The following CASZ1 variants were observed in gnomAD, a reference collection of about 807,000 sequenced individuals.
CASZ1 encodes castor zinc finger 1, also known as zinc finger protein castor homolog 1.
Under a neutral mutation model 135.2 loss-of-function variants are expected in CASZ1, and 28 were observed. The observed-to-expected ratio is 0.21, with a 90% confidence interval of 0.15 to 0.28. The LOEUF (loss-of-function observed/expected upper bound fraction) is 0.28. CASZ1 is among the 10% of genes least tolerant of loss of function. The probability of loss-of-function intolerance (pLI) is 1.00; values close to 1 mark genes in which losing one functional copy is unlikely to be tolerated. For synonymous variants in CASZ1, 1,068 were observed against 1,073.4 expected, an observed-to-expected ratio of 0.99 and a Z score of 0.10; for missense variants, 2,161 against 2,453.3, an observed-to-expected ratio of 0.88 and a Z score of 2.52.
rs1470674558 is a variant in CASZ1, at chr1:10,777,123, CCTCAG to C, written c.-233-16271_-233-16267del. 1.3e-5 allele frequency among the ~76,000 whole-genome samples: 2 copies of C among 152,198 alleles called. No individual in the cohort carries two copies. Among genetic ancestry groups the C allele is most frequent in the Non-Finnish European group, 2.9e-5 (2 of 68,034 alleles). ...CGGCACGAAGCAACCTCCCTCTGGG[CCTCAG>C]TTTCCCCACCTGTAAACCAGGACAA... On this transcript the variant is annotated intron_variant, in intron 1 of 20. Coordinates refer to ENST00000377022, the MANE Select transcript of CASZ1 (RefSeq NM_001079843.3). This position sits in a 1 kb window ranked among gnomAD's most constrained non-coding sequence, Gnocchi z 4.4.
chr1:10,745,617 G>C (rs1369219962), intron 2 of CASZ1, among the ~76,000 whole-genome samples: 1 of 152,148 alleles, frequency 6.6e-6, no homozygotes, highest in Non-Finnish European at 1.5e-5. Flanking sequence ...AAGAGGCCCT[G>C]CATTTTCATT....
chr1:10,713,910 C>T (rs1639331087), intron 2 of CASZ1, among the ~76,000 whole-genome samples: 1 of 152,248 alleles, frequency 6.6e-6, no homozygotes, highest in South Asian at 2.1e-4. Flanking sequence ...TGACCCATCC[C>T]TCTTGGCTTC....
chr1:10,682,331 G>A, intron 4 of CASZ1, among the ~76,000 whole-genome samples: 1 of 152,108 alleles, frequency 6.6e-6, no homozygotes, highest in East Asian at 1.9e-4. Context: ...ACCGTGAAGT[G>A]GGAGAGGCAG....
intron 4 of CASZ1, among the ~76,000 whole-genome samples, chr1:10,680,567 G>A (rs368085867): frequency 6.6e-6 from 1 of 152,198 alleles, no homozygotes; most frequent in Non-Finnish European, 1.5e-5. Context: ...CAGCATTACT[G>A]TGTCACACTC....
intron 1 of CASZ1, among the ~76,000 whole-genome samples, chr1:10,772,205 T>A (rs1640589218): frequency 6.6e-6 from 1 of 152,062 alleles, no homozygotes; most frequent in African/African-American, 2.4e-5. Flanking sequence ...GAAGAGGCAG[T>A]CTGGAGCTAG....
rs768235168 is a variant in CASZ1, at chr1:10,747,974, G to A, written c.-77+12727C>T. Reference sequence around the variant, plus strand: ...TGGGACTAGAGGCACCCGCCACCACGCCCGGCTAAGTTTTTTGTATTTTTT... The same window carrying A: ...TGGGACTAGAGGCACCCGCCACCACACCCGGCTAAGTTTTTTGTATTTTTT... On this transcript the variant is annotated intron_variant, in intron 2 of 20. Transcript: ENST00000377022. The surrounding 1 kb of genome is among the most constrained non-coding windows in gnomAD (Gnocchi z 4.3). Among the ~76,000 whole-genome samples the A allele has an allele frequency of 1.4e-4, 22 of 152,076 alleles. No individual in the cohort carries two copies. Among genetic ancestry groups the A allele is most frequent in the African/African-American group, 4.8e-4 (20 of 41,382 alleles).
intron 18 of CASZ1, among the ~76,000 whole-genome samples, chr1:10,643,791 G>C (rs1332319094): frequency 6.6e-6 from 1 of 152,198 alleles, no homozygotes; most frequent in Non-Finnish European, 1.5e-5. Context: ...GGGCAGGTGA[G>C]GGCCTGTCCG....
At chr1:10,770,283 C>T (rs936023975) in intron 1 of CASZ1, among the ~76,000 whole-genome samples, 1 of 151,980 alleles carries the variant, frequency 6.6e-6, no homozygotes, top group Non-Finnish European at 1.5e-5. Context: ...CAGGGTTTTG[C>T]CATGTCACCC....
At chr1:10,649,491 G>A (rs1449382016) in intron 13 of CASZ1, 54 bp from the exon 14 acceptor site, 81 of 1,536,450 alleles carry the variant, frequency 5.3e-5, no homozygotes, top group Admixed American at 3.4e-4. Context: ...ACACAGACAC[G>A]GCAGCCTGGG....
At chr1:10,643,089 T>C in intron 19 of CASZ1, 71 bp downstream of exon 19, 5 of 1,595,220 alleles carry the variant, frequency 3.1e-6, no homozygotes, top group Non-Finnish European at 4.3e-6. Context: ...AGCACAGGCC[T>C]GAGAGTGAGC....
chr1:10,703,244 G>C (rs1639101845), intron 3 of CASZ1, among the ~76,000 whole-genome samples: 2 of 152,070 alleles, frequency 1.3e-5, no homozygotes, highest in Non-Finnish European at 2.9e-5. Flanking sequence ...CGGGCTTGGA[G>C]CCTGATTCCC....
At position 10,669,067 on chromosome 1, in the gene CASZ1, G is replaced by A. The variant is rs143603129; in HGVS notation, c.17-3496C>T. ...TCTCCCCGCAGGTCTCTGAGCTGAGGAGACCCTGCACAGGGTTGGGGAAAA... is the reference window on the plus strand; with the variant it reads ...TCTCCCCGCAGGTCTCTGAGCTGAGAAGACCCTGCACAGGGTTGGGGAAAA... On this transcript the variant is annotated intron_variant, in intron 4 of 20. Transcript: ENST00000377022. Among the ~76,000 whole-genome samples, 676 of 152,366 alleles carry A rather than the reference G, an allele frequency of 4.4e-3. 3 individuals are homozygous for A. The highest frequency in any genetic ancestry group is 7.0e-3 in the Non-Finnish European group (473 of 68,032).
intron 1 of CASZ1, among the ~76,000 whole-genome samples, chr1:10,781,551 C>T (rs529902858): frequency 5.9e-5 from 9 of 152,328 alleles, no homozygotes; most frequent in East Asian, 1.9e-4. Flanking sequence ...CTGTACTGGG[C>T]GGACACGTTT....
Position 10,665,392 on chromosome 1 carries a change from G to T in CASZ1, c.196C>A (p.Arg66Ser). 6.2e-7 allele frequency: 1 copy of T among 1,612,780 alleles called. No homozygotes were observed. Among genetic ancestry groups the T allele is most frequent in the Non-Finnish European group, 8.5e-7 (1 of 1,179,452 alleles). ...GCTGCCCCAGACTCAGGGCCACTGC[G>T]CTCTTGGTCCCGGGGCTGCGATGGG... ...GSPSQPRDQE[R>S]SGPESGAARA... The change falls in exon 5 of 21, where the codon CGC becomes AGC. Residue 66 changes from arginine (R) to serine (S), a missense_variant. Around this residue, in one of 7 missense-constraint regions of CASZ1, gnomAD observed 590 missense variants for 609.8 expected, o/e 0.97. Transcript: ENST00000377022.
chr1:10,704,025 T>A (rs1375922175), intron 3 of CASZ1, among the ~76,000 whole-genome samples: 2 of 152,168 alleles, frequency 1.3e-5, no homozygotes, highest in Admixed American at 1.3e-4. Flanking sequence ...ATCTACCCTG[T>A]CAGGACCTCA....
In CASZ1 at chr1:10,725,173, C is replaced by T. The variant is rs1227323812; in HGVS notation, c.-76-19629G>A. 2.6e-5 allele frequency among the ~76,000 whole-genome samples: 4 copies of T among 152,146 alleles called. No individual in the cohort carries two copies. The highest frequency in any genetic ancestry group is 4.8e-5 in the African/African-American group (2 of 41,428). On this transcript the variant is annotated intron_variant, in intron 2 of 20. Transcript: ENST00000377022. The surrounding 1 kb of genome is among the most constrained non-coding windows in gnomAD (Gnocchi z 4.4). ...GAGCCCTGGATGGATACGGCGAGAA[C>T]GTGTTAAGACCAAGGAGTGACCATG...
rs755376754 is a variant in CASZ1, at chr1:10,660,398, G to A, written c.644C>T (p.Pro215Leu). Residue 215 changes from proline to leucine, a missense_variant, in exon 6 of 21, where the codon CCG (proline) becomes CTG (leucine). Pro to Leu is a moderately conservative substitution (Grantham distance 98, BLOSUM62 -3). This residue lies in a region of CASZ1 where 590 missense variants were observed against 609.8 expected (regional missense o/e 0.97). Transcript: ENST00000377022. ...SFEKLHAGST[P>L]EAATSSMLPT... The stretch of plus-strand genomic sequence containing the variant: ...CAGCATGGAGGAGGTGGCTGCCTCC[G>A]GGGTGGAGCCCGCGTGCAGCTTCTC... The A allele has an allele frequency of 1.9e-5, 30 of 1,614,018 alleles. 1 individual carries two copies. The highest frequency in any genetic ancestry group is 2.5e-5 in the Non-Finnish European group (29 of 1,180,020).
intron 2 of CASZ1, among the ~76,000 whole-genome samples, chr1:10,754,814 A>G (rs922874327): frequency 1.3e-5 from 2 of 152,224 alleles, no homozygotes; most frequent in African/African-American, 4.8e-5. Flanking sequence ...AAGCTGAAAT[A>G]TTGAGTCACA....
rs529731838 is a variant in CASZ1, at chr1:10,716,550, A to C, written c.-76-11006T>G. ...ACTTGAGCCCCTGTGCTGAGCGTAA[A>C]GCCAGACCCAAGGGAAGGGGCTCCC... is the stretch of plus-strand genomic sequence containing the variant. On this transcript the variant is annotated intron_variant, in intron 2 of 20. Transcript: ENST00000377022. Among the ~76,000 whole-genome samples the C allele has an allele frequency of 1.4e-4, 21 of 152,358 alleles. No homozygotes were observed. In the South Asian group the frequency reaches 4.3e-3, roughly 32 times the overall value.
Sources: gnomAD v4.1 joint callset for allele counts (sites outside exome capture counted in the v4.1 genomes callset) on GRCh38, gnomAD v4.1.1 for gene constraint, gnomAD v4.1.1 regional missense constraint, Gnocchi (gnomAD v3.1) non-coding constraint, MANE v1.5 for transcripts, NCBI Gene and HGNC (gene_info 2026-07-23, HGNC 2026-07-21) for gene names.